Variants in GNPDA2 observed in about 807,000 individuals in gnomAD.
The protein encoded by GNPDA2 is glcN6P deaminase 2.
GNPDA2 carries 24 observed loss-of-function variants against 27.0 expected under a neutral mutation model. That is an observed-to-expected ratio of 0.89 (90% CI 0.64 to 1.25). The LOEUF (loss-of-function observed/expected upper bound fraction) is 1.25. Among genes scored for constraint, GNPDA2 ranks in the 50% most tolerant of loss-of-function variants. GNPDA2 has a pLI of 0.00. For synonymous variants in GNPDA2, 94 were observed against 108.4 expected (o/e 0.87, Z 0.83); for missense variants, 286 against 335.1 (o/e 0.85, Z 1.14).
intron 4 of GNPDA2, among the ~76,000 whole-genome samples, chr4:44,715,956 GAGAGAA>G (rs1457445490): frequency 6.6e-6 from 1 of 151,972 alleles, no homozygotes; most frequent in Non-Finnish European, 1.5e-5. Context: ...TTACAGTTGA[GAGAGAA>G]AGAGAAGACT....
At chr4:44,720,186 C>T (rs1000930011) in intron 2 of GNPDA2, among the ~76,000 whole-genome samples, 9 of 152,034 alleles carry the variant, frequency 5.9e-5, no homozygotes, top group African/African-American at 1.2e-4. Context: ...CTAGATGCTG[C>T]GCTAATGTTT....
At chr4:44,724,293 C>T (rs1450940651) in intron 1 of GNPDA2, among the ~76,000 whole-genome samples, 2 of 152,140 alleles carry the variant, frequency 1.3e-5, no homozygotes, top group Non-Finnish European at 2.9e-5. Context: ...AGTCCTCTGC[C>T]TCCAGACCCT....
intron 4 of GNPDA2, among the ~76,000 whole-genome samples, chr4:44,713,562 G>C (rs953025203): frequency 1.3e-5 from 2 of 152,132 alleles, no homozygotes; most frequent in Non-Finnish European, 2.9e-5. Flanking sequence ...TTTCTCCACT[G>C]TCTTCTTTTA....
intron 6 of GNPDA2, chr4:44,704,914 A>G: frequency 1.0e-6 from 1 of 983,806 alleles, no homozygotes; most frequent in Non-Finnish European, 1.2e-6. Flanking sequence ...GTTCTATTTA[A>G]AAAGCAAAAA....
chr4:44,717,258 A>G lies in GNPDA2; in HGVS notation c.264T>C (p.Tyr88=). Residue 88 remains tyrosine (Y), a synonymous_variant, in exon 4 of 7, where the codon TAT becomes TAC. Coordinates refer to ENST00000295448, the MANE Select transcript of GNPDA2 (RefSeq NM_138335.3). ...TATGCTTAAAAAAATTATTCCACAT[A>G]TAAGAATGGTAGCTTTCAGGATGAT... ...PRNHPESYHS[Y]MWNNFFKHID... is the part of the protein sequence containing the mutation. 6.5e-7 allele frequency: 1 copy of G among 1,546,782 alleles called. No individual in the cohort carries two copies. The highest frequency in any genetic ancestry group is 8.8e-7 in the Non-Finnish European group (1 of 1,135,636).
chr4:44,716,610 T>C (rs1717308178), intron 4 of GNPDA2, among the ~76,000 whole-genome samples: 1 of 151,932 alleles, frequency 6.6e-6, no homozygotes, highest in Non-Finnish European at 1.5e-5. Context: ...TAACTCATAT[T>C]AACTTAAGGC....
chr4:44,721,666 G>C lies in GNPDA2; in HGVS notation c.124+418C>G, dbSNP rs527279507. The stretch of plus-strand genomic sequence containing the variant: ...TAATTTATAACTTCTATATTAATAA[G>C]GATTTATAAGGCAGGTGAAGTTAAA... On this transcript the variant is annotated intron_variant, in intron 2 of 6. Coordinates refer to ENST00000295448, the MANE Select transcript of GNPDA2 (RefSeq NM_138335.3). Among the ~76,000 whole-genome samples the C allele has an allele frequency of 5.9e-5, 9 of 151,856 alleles. 1 individual carries two copies. In the South Asian group the frequency reaches 1.7e-3, roughly 28 times the overall value.
chr4:44,704,329 A>G (rs1716455877), intron 6 of GNPDA2: 2 of 965,242 alleles, frequency 2.1e-6, no homozygotes, highest in Non-Finnish European at 2.5e-6. Context: ...AAGATGCAAC[A>G]TTTTCCAGAG....
At chr4:44,719,941 G>A (rs1717564966) in intron 2 of GNPDA2, among the ~76,000 whole-genome samples, 1 of 152,020 alleles carries the variant, frequency 6.6e-6, no homozygotes, top group African/African-American at 2.4e-5. Context: ...GGATAAGCAA[G>A]TACAAAATAA....
At chr4:44,711,564 G>A (rs867849702) in intron 4 of GNPDA2, among the ~76,000 whole-genome samples, 2 of 152,020 alleles carry the variant, frequency 1.3e-5, no homozygotes, top group South Asian at 2.1e-4. Context: ...TCACAACTGG[G>A]TAAATACTGA....
chr4:44,711,254 T>C, intron 4 of GNPDA2, 117 bp from the exon 5 acceptor site: 1 of 535,462 alleles, frequency 1.9e-6, no homozygotes, highest in Non-Finnish European at 3.0e-6. Context: ...TGAATTCCTA[T>C]TACTGCATTA....
At chr4:44,723,770 A>T (rs1320574037) in intron 1 of GNPDA2, among the ~76,000 whole-genome samples, 1 of 152,270 alleles carries the variant, frequency 6.6e-6, no homozygotes, top group East Asian at 1.9e-4. Flanking sequence ...AAGCAGCGAA[A>T]GCAGGGATAC....
intron 6 of GNPDA2, chr4:44,704,717 C>G (rs558407723): frequency 3.1e-6 from 3 of 981,506 alleles, no homozygotes; most frequent in Non-Finnish European, 3.6e-6. Flanking sequence ...CACCAGACTT[C>G]CTGAAACGTT....
chr4:44,709,009 T>G (rs950741404), intron 5 of GNPDA2, among the ~76,000 whole-genome samples: 3 of 152,170 alleles, frequency 2.0e-5, no homozygotes, highest in Non-Finnish European at 4.4e-5. Flanking sequence ...GTGCATATTC[T>G]TAGCGATTAA....
rs778093288 is a variant in GNPDA2, at chr4:44,710,938, ATATT to A, written c.594+11_594+14del. On this transcript the variant is annotated intron_variant, in intron 5 of 6. Coordinates refer to ENST00000295448, the MANE Select transcript of GNPDA2 (RefSeq NM_138335.3). ...AACATGAAAAGAAAGACAGCAAAGA[ATATT>A]TAATGCTTACTTCTCTAGCATCCAT... 9 of 1,546,790 alleles carry A rather than the reference ATATT, an allele frequency of 5.8e-6. No individual in the cohort carries two copies. The highest frequency in any genetic ancestry group is 2.8e-5 in the African/African-American group (2 of 71,676).
chr4:44,725,092 C>T (rs1476797647), intron 1 of GNPDA2, among the ~76,000 whole-genome samples: 1 of 151,892 alleles, frequency 6.6e-6, no homozygotes, highest in Admixed American at 6.6e-5. Context: ...CTTCTGCATC[C>T]TGGGCATGTT....
intron 6 of GNPDA2, 75 bp downstream of exon 6, chr4:44,707,677 C>G: frequency 7.7e-7 from 1 of 1,300,714 alleles, no homozygotes; most frequent in Non-Finnish European, 1.1e-6. Flanking sequence ...TGAGATTTAA[C>G]CCCACAGTCA....
At chr4:44,717,600 A>G (rs183682515) in intron 3 of GNPDA2, among the ~76,000 whole-genome samples, 43 of 151,970 alleles carry the variant, frequency 2.8e-4, no homozygotes, top group African/African-American at 1.0e-3. Context: ...CAGAAAGTCT[A>G]GCTCATGTGC....
intron 1 of GNPDA2, 144 bp from the exon 2 acceptor site, chr4:44,722,386 T>G: frequency 3.3e-6 from 2 of 604,652 alleles, no homozygotes; most frequent in Non-Finnish European, 5.6e-6. Context: ...AAGAAGGACA[T>G]GCACATATAC....
Sources: allele counts gnomAD v4.1 joint callset (sites outside exome capture counted in the v4.1 genomes callset), GRCh38; gene constraint gnomAD v4.1.1; transcripts MANE v1.5; gene names NCBI Gene and HGNC (gene_info 2026-07-23, HGNC 2026-07-21).